The following MBTPS1 variants were observed in gnomAD, a reference collection of about 807,000 sequenced individuals.
The protein encoded by MBTPS1 is membrane bound transcription factor peptidase, site 1, also known as membrane-bound transcription factor site-1 protease.
Under a neutral mutation model 127.8 loss-of-function variants are expected in MBTPS1, and 94 were observed. The observed-to-expected ratio is 0.74, with a 90% confidence interval of 0.62 to 0.87. The LOEUF is 0.87. Among genes scored for constraint, MBTPS1 ranks in the 40% least tolerant of loss-of-function variants. The probability of loss-of-function intolerance (pLI) is 0.00; values close to 1 mark genes in which losing one functional copy is unlikely to be tolerated. For synonymous variants in MBTPS1, 632 were observed against 509.4 expected, an observed-to-expected ratio of 1.24 and a Z score of -3.24; for missense variants, 1,636 against 1,353.2, an observed-to-expected ratio of 1.21 and a Z score of -3.28.
chr16:84,069,273 G>C (rs903780000), intron 14 of MBTPS1, among the ~76,000 whole-genome samples: 4 of 152,228 alleles, frequency 2.6e-5, no homozygotes, highest in African/African-American at 9.6e-5. Flanking sequence ...GCCCTGCAGG[G>C]AACAGGCACA....
chr16:84,078,670 G>C (rs2085895324), intron 11 of MBTPS1, among the ~76,000 whole-genome samples: 2 of 152,232 alleles, frequency 1.3e-5, no homozygotes, highest in African/African-American at 4.8e-5. Context: ...ATGTAGACAA[G>C]TAGTGGCTTA....
At chr16:84,089,708 C>T (rs550808793) in intron 8 of MBTPS1, among the ~76,000 whole-genome samples, 3 of 152,272 alleles carry the variant, frequency 2.0e-5, no homozygotes, top group Admixed American at 1.3e-4. Flanking sequence ...AGTGGCAGGT[C>T]GGACCTGTCT....
intron 1 of MBTPS1, among the ~76,000 whole-genome samples, chr16:84,116,450 G>C (rs79340982): frequency 3.3e-5 from 5 of 152,194 alleles, no homozygotes; most frequent in African/African-American, 4.8e-5. Flanking sequence ...TGGAGGCTCC[G>C]GGCCAGAGCA....
At chr16:84,085,503 C>T (rs528859191) in intron 9 of MBTPS1, among the ~76,000 whole-genome samples, 35 of 151,614 alleles carry the variant, frequency 2.3e-4, no homozygotes, top group South Asian at 2.1e-4. Flanking sequence ...TGCAGGGAGC[C>T]GTGATTGTGC....
chr16:84,060,753 C>T lies in MBTPS1; in HGVS notation c.2633G>A (p.Ser878Asn), dbSNP rs1366030118. The T allele has an allele frequency of 1.9e-6, 3 of 1,610,964 alleles. No individual in the cohort carries two copies. The highest frequency in any genetic ancestry group is 2.2e-5 in the East Asian group (1 of 44,838). ...QYTSYGVTPP[S>N]LSHSGNRQRP... ...CTGGCGGTTCCCAGAGTGACTGAGG[C>T]TAGGCGGTGTCACCCCATACGATGT... Residue 878 changes from serine to asparagine, a missense_variant, in exon 20 of 23, where the codon AGC becomes AAC. By Grantham distance (46) the Ser-to-Asn change is conservative. Transcript: ENST00000343411.
At chr16:84,068,854 G>A (rs774189018) in intron 14 of MBTPS1, among the ~76,000 whole-genome samples, 1 of 152,240 alleles carries the variant, frequency 6.6e-6, no homozygotes, top group Non-Finnish European at 1.5e-5. Flanking sequence ...GGGCCACGGT[G>A]CTAAGACAGC....
chr16:84,077,568 C>G (rs1200643765), intron 11 of MBTPS1, among the ~76,000 whole-genome samples: 1 of 152,148 alleles, frequency 6.6e-6, no homozygotes, highest in Non-Finnish European at 1.5e-5. Flanking sequence ...ACATCCCTAC[C>G]TCCAAACAAT....
chr16:84,069,769 G>C (rs2085742904), intron 14 of MBTPS1, 97 bp downstream of exon 14: 3 of 1,171,312 alleles, frequency 2.6e-6, no homozygotes, highest in South Asian at 1.5e-5. Flanking sequence ...GGCTCCACGA[G>C]AAGCTGAGCA....
intron 1 of MBTPS1, among the ~76,000 whole-genome samples, chr16:84,108,417 C>A (rs1238453402): frequency 6.6e-6 from 1 of 152,336 alleles, no homozygotes; most frequent in East Asian, 1.9e-4. Context: ...GCACACGCCA[C>A]CACACCCAGC....
intron 9 of MBTPS1, 131 bp downstream of exon 9, chr16:84,087,227 C>T (rs1038566084): frequency 1.3e-5 from 9 of 684,410 alleles, no homozygotes; most frequent in South Asian, 5.2e-5. Context: ...CTCACAGCCC[C>T]GGCTATTCCC....
chr16:84,095,208 T>G (rs967302032), intron 4 of MBTPS1, among the ~76,000 whole-genome samples: 2 of 152,220 alleles, frequency 1.3e-5, no homozygotes, highest in African/African-American at 2.4e-5. Flanking sequence ...AGGGACCATC[T>G]TTCCCCAAGA....
chr16:84,056,835 G>C (rs1233428079), intron 21 of MBTPS1: 2 of 152,202 alleles, frequency 1.3e-5, no homozygotes, highest in Non-Finnish European at 2.9e-5. Flanking sequence ...ATACAACTTA[G>C]ACCCGAAGAA....
chr16:84,097,781 A>G (rs374733133), intron 3 of MBTPS1, among the ~76,000 whole-genome samples: 10 of 152,216 alleles, frequency 6.6e-5, no homozygotes, highest in African/African-American at 2.4e-4. Context: ...AGGCTCTGAA[A>G]AAGTCAGACG....
chr16:84,101,235 A>G (rs1025502941), intron 2 of MBTPS1, among the ~76,000 whole-genome samples: 5 of 152,014 alleles, frequency 3.3e-5, no homozygotes, highest in African/African-American at 1.2e-4. Flanking sequence ...GGGAGGTGGA[A>G]GTTGCAGTGA....
chr16:84,057,924 A>T (rs1419974239), intron 21 of MBTPS1: 2 of 152,224 alleles, frequency 1.3e-5, no homozygotes, highest in Non-Finnish European at 2.9e-5. Context: ...GTCCTGAACA[A>T]CACTGTGGAG....
chr16:84,092,295 A>C (rs1379177340), intron 6 of MBTPS1, among the ~76,000 whole-genome samples: 2 of 152,232 alleles, frequency 1.3e-5, no homozygotes, highest in Non-Finnish European at 2.9e-5. Flanking sequence ...CAGTTATTTC[A>C]CAGTATTAGT....
chr16:84,110,106 G>A (rs1479818734), intron 1 of MBTPS1, among the ~76,000 whole-genome samples: 2 of 152,210 alleles, frequency 1.3e-5, no homozygotes, highest in African/African-American at 2.4e-5. Context: ...TAAATGTGGT[G>A]ACAGGCACAT....
In MBTPS1 at chr16:84,099,229, A is replaced by T; in HGVS notation, c.245T>A (p.Val82Glu). 1.2e-6 allele frequency: 2 copies of T among 1,614,092 alleles called. No individual in the cohort carries two copies. The highest frequency in any genetic ancestry group is 1.7e-6 in the Non-Finnish European group (2 of 1,179,964). ...FISSALKSSE[V>E]DNWRIIPRNN... ...TCGAGGTATAATTCTCCAATTGTCT[A>T]CTTCACTGCTCTTCAGGGCACTTGA... is the stretch of plus-strand genomic sequence containing the variant. The change falls in exon 3 of 23, where the codon GTA (valine) becomes GAA (glutamate). Residue 82 changes from valine to glutamate, a missense_variant. Transcript: ENST00000343411.
intron 1 of MBTPS1, among the ~76,000 whole-genome samples, chr16:84,104,022 A>T (rs190271383): frequency 4.6e-5 from 7 of 152,320 alleles, no homozygotes; most frequent in Admixed American, 3.9e-4. Context: ...GCTCAGGAGT[A>T]AGCCCCTACT....
Sources: gnomAD v4.1 joint callset for allele counts (sites outside exome capture counted in the v4.1 genomes callset) on GRCh38, gnomAD v4.1.1 for gene constraint, MANE v1.5 for transcripts, NCBI Gene and HGNC (gene_info 2026-07-23, HGNC 2026-07-21) for gene names.